CADPS2: variants seen among roughly 807,000 people sequenced by gnomAD.
The protein encoded by CADPS2 is calcium-dependent secretion activator 2.
A neutral mutation model predicts 172.5 loss-of-function variants in CADPS2; 93 were observed. The observed-to-expected ratio is 0.54, with a 90% confidence interval of 0.46 to 0.64. The LOEUF is 0.64. CADPS2 is among the 30% of genes least tolerant of loss of function. CADPS2 has a pLI of 0.00. For missense variants in CADPS2, 1,420 were observed against 1,565.9 expected, an observed-to-expected ratio of 0.91 and a Z score of 1.57; for synonymous variants, 546 against 555.2, an observed-to-expected ratio of 0.98 and a Z score of 0.23.
chr7:122,627,543 C>T (rs1423224184), intron 4 of CADPS2, among the ~76,000 whole-genome samples: 1 of 152,154 alleles, frequency 6.6e-6, no homozygotes, highest in Non-Finnish European at 1.5e-5. Context: ...CATCACTAAC[C>T]CTTTCTTCTG....
chr7:122,738,814 T>TA (rs1312654484), intron 1 of CADPS2, among the ~76,000 whole-genome samples: 10 of 120,344 alleles, frequency 8.3e-5, no homozygotes, highest in Non-Finnish European at 1.6e-4. Flanking sequence ...CAGACTGATT[T>TA]AAAAAAAATT....
chr7:122,358,799 A>G (rs914791959), intron 27 of CADPS2, among the ~76,000 whole-genome samples: 2 of 152,116 alleles, frequency 1.3e-5, no homozygotes, highest in African/African-American at 4.8e-5. Flanking sequence ...ATAACTGAAG[A>G]AGGAATTCAT....
chr7:122,655,345 G>A (rs1015484418), intron 3 of CADPS2, among the ~76,000 whole-genome samples: 5 of 152,048 alleles, frequency 3.3e-5, no homozygotes, highest in Non-Finnish European at 5.9e-5. Flanking sequence ...AGAGTGAATC[G>A]CTATGCAAAT....
At chr7:122,536,839 T>C (rs1416726624) in intron 8 of CADPS2, among the ~76,000 whole-genome samples, 1 of 152,100 alleles carries the variant, frequency 6.6e-6, no homozygotes. Context: ...CAAGCTACCT[T>C]GGTCAGACTT....
At chr7:122,511,125 A>G (rs977872610) in intron 9 of CADPS2, among the ~76,000 whole-genome samples, 1 of 152,176 alleles carries the variant, frequency 6.6e-6, no homozygotes, top group Admixed American at 6.6e-5. Flanking sequence ...ATTATGAAAC[A>G]TATGGGTTTG....
intron 14 of CADPS2, among the ~76,000 whole-genome samples, chr7:122,462,941 T>C (rs868292094): frequency 3.4e-4 from 51 of 152,042 alleles, no homozygotes; most frequent in African/African-American, 1.2e-3. Context: ...TAATGAGATT[T>C]TGTCCCAACA....
chr7:122,538,916 T>G (rs1485720282), intron 8 of CADPS2, among the ~76,000 whole-genome samples: 1 of 152,090 alleles, frequency 6.6e-6, no homozygotes, highest in Non-Finnish European at 1.5e-5. Flanking sequence ...CACTGTGGTA[T>G]GCCAGGTAGT....
chr7:122,398,764 C>CTCTT (rs55830112), intron 20 of CADPS2, among the ~76,000 whole-genome samples: 1 of 151,170 alleles, frequency 6.6e-6, no homozygotes, highest in Non-Finnish European at 1.5e-5. Context: ...CTCTCTCTCT[C>CTCTT]CCGCCGCCCT....
chr7:122,629,354 A>G (rs2076361506), intron 3 of CADPS2, 26 bp from the exon 4 acceptor site: 1 of 1,570,570 alleles, frequency 6.4e-7, no homozygotes, highest in African/African-American at 1.4e-5. Context: ...GAAGTTACAC[A>G]TATGTAATTA....
intron 25 of CADPS2, among the ~76,000 whole-genome samples, chr7:122,378,472 T>A (rs548822623): frequency 1.3e-5 from 2 of 152,286 alleles, no homozygotes; most frequent in Non-Finnish European, 2.9e-5. Context: ...TTGCATTCCT[T>A]AAATTATTAA....
intron 20 of CADPS2, among the ~76,000 whole-genome samples, chr7:122,401,166 C>T (rs767632546): frequency 6.6e-6 from 1 of 152,106 alleles, no homozygotes; most frequent in African/African-American, 2.4e-5. Flanking sequence ...CCCATCTTTA[C>T]GAAGGTGAAA....
chr7:122,732,803 ATTATATACATAATG>A (rs1562885422), intron 2 of CADPS2, among the ~76,000 whole-genome samples: 14 of 142,770 alleles, frequency 9.8e-5, no homozygotes, highest in African/African-American at 3.4e-4. Context: ...TACATTATAT[ATTATATACATAATG>A]TATATTATAT....
At chr7:122,424,234 G>C (rs1270080332) in intron 17 of CADPS2, 4 of 638,768 alleles carry the variant, frequency 6.3e-6, no homozygotes, top group Non-Finnish European at 7.8e-6. Flanking sequence ...TAAAGTAAGA[G>C]TTGCAGTTAA....
At chr7:122,481,081 T>C (rs1019669119) in intron 11 of CADPS2, among the ~76,000 whole-genome samples, 3 of 151,936 alleles carry the variant, frequency 2.0e-5, no homozygotes, top group African/African-American at 7.2e-5. Context: ...GGAGGAACTC[T>C]GGAGGAATTC....
At chr7:122,672,532 T>C (rs1438708645) in intron 2 of CADPS2, among the ~76,000 whole-genome samples, 1 of 152,228 alleles carries the variant, frequency 6.6e-6, no homozygotes, top group Non-Finnish European at 1.5e-5. Context: ...CATCGTCTTT[T>C]AAAGGTTAAG....
chr7:122,477,406 C>G (rs1407120859), intron 12 of CADPS2, among the ~76,000 whole-genome samples: 1 of 151,828 alleles, frequency 6.6e-6, no homozygotes, highest in East Asian at 1.9e-4. Context: ...ATCCCAGCTA[C>G]TTGGGAGGCC....
intron 24 of CADPS2, among the ~76,000 whole-genome samples, chr7:122,384,055 A>T (rs1407841646): frequency 6.6e-6 from 1 of 152,028 alleles, no homozygotes; most frequent in Non-Finnish European, 1.5e-5. Context: ...GATTCTAAAC[A>T]CTGAGGTGGC....
At chr7:122,443,163 A>G (rs2051602820) in intron 15 of CADPS2, among the ~76,000 whole-genome samples, 1 of 152,218 alleles carries the variant, frequency 6.6e-6, no homozygotes, top group African/African-American at 2.4e-5. Flanking sequence ...TCCCCAGATT[A>G]CATTTAGCAT....
chr7:122,331,583 G>C (rs2034957983), intron 28 of CADPS2, among the ~76,000 whole-genome samples: 1 of 152,194 alleles, frequency 6.6e-6, no homozygotes, highest in East Asian at 1.9e-4. Flanking sequence ...AGGTTGCAGT[G>C]AGCTGAGATC....
Sources: allele counts gnomAD v4.1 joint callset (sites outside exome capture counted in the v4.1 genomes callset), GRCh38; gene constraint gnomAD v4.1.1; transcripts MANE v1.5; gene names NCBI Gene and HGNC (gene_info 2026-07-23, HGNC 2026-07-21).